MLPH: variants seen among roughly 807,000 people sequenced by gnomAD.
The protein encoded by MLPH is melanophilin, also known as exophilin-3.
MLPH carries 51 observed loss-of-function variants against 72.1 expected under a neutral mutation model. That is an observed-to-expected ratio of 0.71 (90% CI 0.56 to 0.89). The LOEUF is 0.89. MLPH is among the 40% of genes least tolerant of loss of function. The probability of loss-of-function intolerance (pLI) is 0.00; values close to 1 mark genes in which losing one functional copy is unlikely to be tolerated. For synonymous variants in MLPH, 301 were observed against 310.1 expected (o/e 0.97, Z 0.31); for missense variants, 743 against 759.9 (o/e 0.98, Z 0.26).
chr2:237,547,358 A>G (rs569230295), intron 13 of MLPH, among the ~76,000 whole-genome samples: 24 of 125,730 alleles, frequency 1.9e-4, no homozygotes, highest in South Asian at 1.4e-3. Flanking sequence ...AGTGGTTAGG[A>G]GTAGGAGCAG....
chr2:237,515,324 G>GC (rs2079991709), intron 4 of MLPH, among the ~76,000 whole-genome samples: 2 of 152,162 alleles, frequency 1.3e-5, no homozygotes, highest in African/African-American at 4.8e-5. Context: ...GCCAGGTGCC[G>GC]GGTCCTGGGC....
At chr2:237,525,874 C>A in intron 7 of MLPH, 69 bp downstream of exon 7, 1 of 1,457,540 alleles carries the variant, frequency 6.9e-7, no homozygotes, top group East Asian at 2.3e-5. Flanking sequence ...AGGAACAACC[C>A]CACCACCCTG....
chr2:237,489,019 T>C (rs1219024991), intron 1 of MLPH, among the ~76,000 whole-genome samples: 3 of 151,960 alleles, frequency 2.0e-5, no homozygotes, highest in Non-Finnish European at 4.4e-5. Context: ...CATCCAGGGC[T>C]GGAGAGGGCC....
In MLPH at chr2:237,505,015, T is replaced by C. The variant is rs1421041469; in HGVS notation, c.111-5559T>C. 2.6e-5 allele frequency among the ~76,000 whole-genome samples: 4 copies of C among 152,224 alleles called. No homozygotes were observed. The highest frequency in any genetic ancestry group is 7.2e-5 in the African/African-American group (3 of 41,478). ...TGCTCACTTACCGGGTCTCTGTTCC[T>C]GGCTCAGCTTCTCTTCCAGAGCTCC... On this transcript the variant is annotated intron_variant, in intron 2 of 15. Transcript: ENST00000264605. This position sits in a 1 kb window ranked among gnomAD's most constrained non-coding sequence, Gnocchi z 4.5.
intron 8 of MLPH, among the ~76,000 whole-genome samples, chr2:237,530,724 C>A (rs1485765800): frequency 6.6e-6 from 1 of 152,238 alleles, no homozygotes; most frequent in Non-Finnish European, 1.5e-5. Context: ...GCCCACAATT[C>A]CTGAGGCATG....
In MLPH at chr2:237,540,533, G is replaced by A; in HGVS notation, c.1290G>A (p.Glu430=). ...GGCCTCTCCCCCAGGCGGACCCGGAGGTAAGACTATCCCCCAGAGGTCTCA... is the reference window on the plus strand; with the variant it reads ...GGCCTCTCCCCCAGGCGGACCCGGAAGTAAGACTATCCCCCAGAGGTCTCA... The part of the protein sequence containing the change: ...SVGPLPQADP[E]VGTAAHQTNR... Residue 430 remains glutamate, a splice_region_variant and synonymous_variant, in exon 10 of 16, where the codon GAG becomes GAA. Transcript: ENST00000264605. 6.2e-7 allele frequency: 1 copy of A among 1,609,974 alleles called. No individual in the cohort carries two copies. Among genetic ancestry groups the A allele is most frequent in the Non-Finnish European group, 8.5e-7 (1 of 1,179,324 alleles).
At chr2:237,551,817 A>AAAAATAC (rs2081046501) in intron 14 of MLPH, among the ~76,000 whole-genome samples, 1 of 151,744 alleles carries the variant, frequency 6.6e-6, no homozygotes, top group African/African-American at 2.4e-5. Flanking sequence ...ATCTCTACTA[A>AAAAATAC]AAAATACAAA....
chr2:237,535,058 A>G (rs918433485), intron 9 of MLPH, among the ~76,000 whole-genome samples: 2 of 152,216 alleles, frequency 1.3e-5, no homozygotes, highest in Non-Finnish European at 2.9e-5. Flanking sequence ...ATATGCTGCT[A>G]TAGCAAAATA....
intron 2 of MLPH, among the ~76,000 whole-genome samples, chr2:237,508,489 C>T (rs2079823156): frequency 6.6e-6 from 1 of 152,112 alleles, no homozygotes; most frequent in South Asian, 2.1e-4. Context: ...AAAGCCTCAG[C>T]AGTTTATCCA....
In MLPH at chr2:237,510,341, G is replaced by T; in HGVS notation, c.111-233G>T. Reference sequence around the variant, plus strand: ...GCAATATCATTTCTATGAAATTAACGTGTTTCCATTCCATTCCAGCCACCA... The same window carrying T: ...GCAATATCATTTCTATGAAATTAACTTGTTTCCATTCCATTCCAGCCACCA... On this transcript the variant is annotated intron_variant, in intron 2 of 15. Coordinates refer to ENST00000264605, the MANE Select transcript of MLPH (RefSeq NM_024101.7). The surrounding 1 kb of genome is among the most constrained non-coding windows in gnomAD (Gnocchi z 4.4). 1 of 597,096 alleles carries T rather than the reference G, an allele frequency of 1.7e-6. No individual in the cohort carries two copies. Among genetic ancestry groups the T allele is most frequent in the South Asian group, 2.0e-5 (1 of 50,230 alleles). The allele number at this position is 597,096 out of a possible 1,614,324, so 37.0% of individuals were successfully genotyped here. A position where few individuals can be genotyped will look rare whatever the true frequency, so the allele number is the denominator to read the frequency against.
In MLPH at chr2:237,540,457, A is replaced by G. The variant is rs922845259; in HGVS notation, c.1214A>G (p.Glu405Gly). ...NVSDQETSSEEEEAKDEKAEP... is the reference protein window; with the variant it reads ...NVSDQETSSEGEEAKDEKAEP... ...AGTGACCAGGAGACCTCGTCCGAGG[A>G]GGAGGAAGCCAAGGACGAAAAGGCA... Residue 405 changes from glutamate to glycine, a missense_variant, in exon 10 of 16, where the codon GAG becomes GGG. By Grantham distance (98) the Glu-to-Gly change is moderately conservative (BLOSUM62 -2). Transcript: ENST00000264605. 1.9e-6 allele frequency: 3 copies of G among 1,612,820 alleles called. No individual in the cohort carries two copies. In the African/African-American group the frequency reaches 4.0e-5, roughly 22 times the overall value.
intron 14 of MLPH, among the ~76,000 whole-genome samples, chr2:237,550,788 A>G (rs1054286107): frequency 5.3e-5 from 8 of 152,088 alleles, no homozygotes; most frequent in African/African-American, 1.9e-4. Context: ...ACGTCAGATG[A>G]TCCATCCACC....
intron 13 of MLPH, 58 bp from the exon 14 acceptor site, chr2:237,549,163 T>C: frequency 6.5e-7 from 1 of 1,529,848 alleles, no homozygotes. Flanking sequence ...CCAAAATTAG[T>C]TGACAATTCC....
chr2:237,492,319 G>A (rs2079443596), intron 1 of MLPH, among the ~76,000 whole-genome samples: 1 of 152,040 alleles, frequency 6.6e-6, no homozygotes, highest in Non-Finnish European at 1.5e-5. Flanking sequence ...TAGTGCATTG[G>A]GTGGGGCCGC....
intron 4 of MLPH, among the ~76,000 whole-genome samples, chr2:237,511,995 G>A (rs1198607646): frequency 6.6e-6 from 1 of 152,234 alleles, no homozygotes; most frequent in Non-Finnish European, 1.5e-5. Flanking sequence ...GCCCGGCCAA[G>A]CATTCGGGTG....
chr2:237,552,350 T>G lies in MLPH; in HGVS notation c.1689T>G (p.Asp563Glu). ...NSLKSQGKDD[D>E]SFDRKSVYRG... ...TTTTCCCCAAAGGTAAAGATGATGA[T>G]TCTTTTGATCGGAAATCAGTGTACC... Residue 563 changes from aspartate (D) to glutamate (E), a missense_variant, in exon 15 of 16, where the codon GAT (aspartate) becomes GAG (glutamate). By Grantham distance (45) the Asp-to-Glu change is conservative. Transcript: ENST00000264605. 1 of 1,614,116 alleles carries G rather than the reference T, an allele frequency of 6.2e-7. No homozygotes were observed.
At chr2:237,548,295 A>C (rs974939113) in intron 13 of MLPH, among the ~76,000 whole-genome samples, 3 of 152,216 alleles carry the variant, frequency 2.0e-5, no homozygotes, top group African/African-American at 7.2e-5. Flanking sequence ...CCACAAACCC[A>C]GCCAGGCAAA....
chr2:237,534,504 T>C, intron 8 of MLPH, 60 bp from the exon 9 acceptor site: 5 of 1,388,810 alleles, frequency 3.6e-6, no homozygotes, highest in Non-Finnish European at 4.1e-6. Context: ...TGGGTGCCAG[T>C]GTCTTGCTGG....
intron 13 of MLPH, among the ~76,000 whole-genome samples, chr2:237,548,252 C>T (rs2080960074): frequency 6.6e-6 from 1 of 152,234 alleles, no homozygotes; most frequent in South Asian, 2.1e-4. Context: ...GGAAGCCCAG[C>T]CTGACAGCTT....
Sources: allele counts gnomAD v4.1 joint callset (sites outside exome capture counted in the v4.1 genomes callset), GRCh38; gene constraint gnomAD v4.1.1; non-coding constraint Gnocchi (gnomAD v3.1); transcripts MANE v1.5; gene names NCBI Gene and HGNC (gene_info 2026-07-23, HGNC 2026-07-21).